Variants in PRKCQ observed in about 807,000 individuals in gnomAD.
PRKCQ encodes protein kinase C theta type.
Under a neutral mutation model 91.2 loss-of-function variants are expected in PRKCQ, and 41 were observed. The ratio of observed to expected loss-of-function variants is 0.45; its 90% CI spans 0.35 to 0.58. The LOEUF is 0.58. PRKCQ is among the 20% of genes least tolerant of loss of function. The probability of loss-of-function intolerance (pLI) is 0.00; values close to 1 mark genes in which losing one functional copy is unlikely to be tolerated. For missense variants in PRKCQ, 673 were observed against 896.5 expected (o/e 0.75, Z 3.18); for synonymous variants, 307 against 316.9 (o/e 0.97, Z 0.33).
At chr10:6,574,851 C>A (rs181678675) in intron 1 of PRKCQ, among the ~76,000 whole-genome samples, 2 of 152,308 alleles carry the variant, frequency 1.3e-5, no homozygotes, top group East Asian at 3.9e-4. Context: ...CCTCCCAGAA[C>A]CCCCATCTGG....
At chr10:6,487,438 G>A (rs1026498576) in intron 8 of PRKCQ, among the ~76,000 whole-genome samples, 4 of 152,344 alleles carry the variant, frequency 2.6e-5, no homozygotes, top group African/African-American at 9.6e-5. Flanking sequence ...CGTGGACACT[G>A]TGTGACCTTG....
chr10:6,551,647 C>T lies in PRKCQ; in HGVS notation c.-10+28564G>A, dbSNP rs1180073058. Among the ~76,000 whole-genome samples the T allele has an allele frequency of 3.3e-5, 5 of 152,168 alleles. No homozygotes were observed. The South Asian group carries it at 8.3e-4, about 25-fold the overall frequency. On this transcript the variant is annotated intron_variant, in intron 1 of 17. Coordinates refer to ENST00000263125, the MANE Select transcript of PRKCQ (RefSeq NM_006257.5). ...TCCTGACCTTGTGATCCGCCTGCCT[C>T]GGCCTCCCAAAGTGCTGGGATTACA...
intron 11 of PRKCQ, 98 bp from the exon 12 acceptor site, chr10:6,479,263 A>G: frequency 7.2e-7 from 1 of 1,398,158 alleles, no homozygotes; most frequent in Non-Finnish European, 9.8e-7. Context: ...TTGGGTGGGA[A>G]AAGGGGTTCC....
In PRKCQ at chr10:6,497,220, G is replaced by A. The variant is rs541457804; in HGVS notation, c.574C>T (p.Gln192Ter). ...ATGCAACCAAAACCCTCTTACTTACGTCGGCACTGGTAGCCCTGTTTGTTC... is the reference window on the plus strand; with the variant it reads ...ATGCAACCAAAACCCTCTTACTTACATCGGCACTGGTAGCCCTGTTTGTTC... The part of the protein sequence containing the change: ...GLNKQGYQCR[Q>*]CNAAIHKKCI... Residue 192 changes from glutamine to a stop codon, truncating the protein, a stop_gained and splice_region_variant, in exon 6 of 18, where the codon CAA becomes TAA. Coordinates refer to ENST00000263125, the MANE Select transcript of PRKCQ (RefSeq NM_006257.5). LOFTEE classifies it high-confidence loss of function. This position sits in a 1 kb window ranked among gnomAD's most constrained non-coding sequence, Gnocchi z 4.5. 4.3e-6 allele frequency: 7 copies of A among 1,614,062 alleles called. No homozygotes were observed. The highest frequency in any genetic ancestry group is 1.3e-5 in the African/African-American group (1 of 75,004).
At chr10:6,499,087 T>A (rs979564472) in intron 4 of PRKCQ, among the ~76,000 whole-genome samples, 11 of 152,138 alleles carry the variant, frequency 7.2e-5, no homozygotes, top group African/African-American at 2.4e-4. Flanking sequence ...CAGGATTTTG[T>A]GTGAGGAGAA....
At chr10:6,520,244 A>C (rs1838948366) in intron 1 of PRKCQ, among the ~76,000 whole-genome samples, 1 of 152,016 alleles carries the variant, frequency 6.6e-6, no homozygotes, top group Non-Finnish European at 1.5e-5. Flanking sequence ...CTTTTCCTTC[A>C]TTTTGCCAGC....
chr10:6,404,982 CTT>C, the PRKCQ span, among the ~76,000 whole-genome samples: 9 of 150,252 alleles, frequency 6.0e-5, no homozygotes, highest in Admixed American at 1.3e-4. Flanking sequence ...CTCTCTCTCT[CTT>C]TCTTTCTTTC....
chr10:6,415,747 T>TCTCTC, the PRKCQ span, among the ~76,000 whole-genome samples: 3 of 120,612 alleles, frequency 2.5e-5, no homozygotes, highest in East Asian at 2.4e-4. Flanking sequence ...TCTCTCTCTC[T>TCTCTC]TTTTTTTTTT....
At chr10:6,579,300 C>T (rs919678510) in intron 1 of PRKCQ, among the ~76,000 whole-genome samples, 1 of 152,160 alleles carries the variant, frequency 6.6e-6, no homozygotes, top group South Asian at 2.1e-4. Context: ...TCCACCTTCT[C>T]CAGCCTAGTC....
chr10:6,418,990 T>TG, the PRKCQ span, among the ~76,000 whole-genome samples: 1 of 147,796 alleles, frequency 6.8e-6, no homozygotes, highest in African/African-American at 2.5e-5. Context: ...TATCTATCTA[T>TG]CTATCTATCT....
rs564274553 is a variant in PRKCQ, at chr10:6,505,655, C to T, written c.379+1781G>A. On this transcript the variant is annotated intron_variant, in intron 4 of 17. Transcript: ENST00000263125. The stretch of plus-strand genomic sequence containing the variant: ...TCCCTCCCTTCCTTCCTTTCCTTTC[C>T]TTTCTTTCCTTTCTTTCTTTCACTG... Among the ~76,000 whole-genome samples, 27 of 146,368 alleles carry T rather than the reference C, an allele frequency of 1.8e-4. No individual in the cohort carries two copies. The South Asian group carries it at 2.0e-3, about 11-fold the overall frequency.
chr10:6,514,739 T>C (rs1011304567), intron 2 of PRKCQ, among the ~76,000 whole-genome samples: 1 of 152,210 alleles, frequency 6.6e-6, no homozygotes, highest in Non-Finnish European at 1.5e-5. Flanking sequence ...TAACTCCTTA[T>C]GTAATTTCCT....
chr10:6,431,754 A>G (rs1052748963), intron 16 of PRKCQ, among the ~76,000 whole-genome samples: 1 of 152,084 alleles, frequency 6.6e-6, no homozygotes, highest in African/African-American at 2.4e-5. Flanking sequence ...TCAGCTTTGG[A>G]CTCTACAAGG....
the PRKCQ span, among the ~76,000 whole-genome samples, chr10:6,402,257 A>C: frequency 6.6e-6 from 1 of 151,662 alleles, no homozygotes; most frequent in Non-Finnish European, 1.5e-5. Flanking sequence ...TGATGGGTGC[A>C]GGAGACCACC....
At position 6,428,365 on chromosome 10, in the gene PRKCQ, TAGTC is replaced by T. The variant is rs767886789; in HGVS notation, c.1966-7_1966-4del. The T allele has an allele frequency of 1.5e-5, 24 of 1,612,288 alleles. No individual in the cohort carries two copies. The Middle Eastern group carries it at 2.5e-3, about 166-fold the overall frequency. ...TTGCTGCAGTCAAATGGTGATTTCT[TAGTC>T]AGAGTTTAAGGGAAGAAAGAAAGAG... On this transcript the variant is annotated splice_polypyrimidine_tract_variant and splice_region_variant and intron_variant, in intron 17 of 17. Coordinates refer to ENST00000263125, the MANE Select transcript of PRKCQ (RefSeq NM_006257.5).
At chr10:6,456,590 C>T (rs1378313672) in intron 15 of PRKCQ, 84 bp downstream of exon 15, 1 of 1,518,834 alleles carries the variant, frequency 6.6e-7, no homozygotes, top group Admixed American at 2.1e-5. Context: ...ATATTTAAAA[C>T]CTTCTGATTT....
intron 14 of PRKCQ, among the ~76,000 whole-genome samples, chr10:6,458,554 A>AT (rs1207622280): frequency 6.6e-6 from 1 of 152,126 alleles, no homozygotes; most frequent in Non-Finnish European, 1.5e-5. Flanking sequence ...TCATTCCATC[A>AT]TGAGGTTAAC....
intron 1 of PRKCQ, among the ~76,000 whole-genome samples, chr10:6,548,015 T>G (rs1305807979): frequency 6.6e-6 from 1 of 151,340 alleles, no homozygotes; most frequent in Non-Finnish European, 1.5e-5. Context: ...GAATCTACAA[T>G]GAACTCAAAC....
chr10:6,531,021 T>C (rs572911816), intron 1 of PRKCQ, among the ~76,000 whole-genome samples: 4 of 146,266 alleles, frequency 2.7e-5, no homozygotes, highest in Admixed American at 7.0e-5. Context: ...GAAAAGGACA[T>C]CTGTACTCTC....
Sources: allele counts gnomAD v4.1 joint callset (sites outside exome capture counted in the v4.1 genomes callset), GRCh38; gene constraint gnomAD v4.1.1; non-coding constraint Gnocchi (gnomAD v3.1); transcripts MANE v1.5; gene names NCBI Gene and HGNC (gene_info 2026-07-23, HGNC 2026-07-21).